Variants in CIMAP1D observed in about 807,000 individuals in gnomAD.
CIMAP1D encodes the protein CIMAP1 family member D.
the CIMAP1D span, among the ~76,000 whole-genome samples, chr19:471,385 G>T: frequency 2.6e-5 from 4 of 151,520 alleles, no homozygotes; most frequent in African/African-American, 9.7e-5. Context: ...CCTGACCTCG[G>T]GATCCCCCCG....
At chr19:491,302 A>G in the CIMAP1D span, among the ~76,000 whole-genome samples, 1 of 152,154 alleles carries the variant, frequency 6.6e-6, no homozygotes, top group Non-Finnish European at 1.5e-5. Flanking sequence ...TTAAAGAAAC[A>G]GTTTAGTGCC....
the CIMAP1D span, among the ~76,000 whole-genome samples, chr19:465,402 G>A: frequency 7.6e-5 from 11 of 144,008 alleles, no homozygotes; most frequent in South Asian, 7.1e-4. Flanking sequence ...TGGGCGGGTG[G>A]ATGGGTGTGT....
At chr19:474,700 G>C in the CIMAP1D span, 6 of 1,566,514 alleles carry the variant, frequency 3.8e-6, no homozygotes, top group Non-Finnish European at 5.2e-6. Flanking sequence ...GCCGGCCAAG[G>C]GGGGCTGTGG....
the CIMAP1D span, among the ~76,000 whole-genome samples, chr19:480,872 A>G: frequency 0.018 from 941 of 52,616 alleles, 3 homozygotes; most frequent in African/African-American, 0.05. Flanking sequence ...CGATGATGGA[A>G]AACGATGATG....
the CIMAP1D span, among the ~76,000 whole-genome samples, chr19:480,537 G>C: frequency 7.7e-6 from 1 of 129,446 alleles, no homozygotes; most frequent in Non-Finnish European, 1.5e-5. Context: ...GGGGAAGGAT[G>C]ATGGGGAAGG....
chr19:483,598 G>A, the CIMAP1D span, among the ~76,000 whole-genome samples: 4 of 152,240 alleles, frequency 2.6e-5, no homozygotes, highest in Non-Finnish European at 4.4e-5. Context: ...TGGTCGTCAC[G>A]ACTGGGGGAG....
the CIMAP1D span, among the ~76,000 whole-genome samples, chr19:485,098 G>GT: frequency 6.6e-6 from 1 of 151,978 alleles, no homozygotes; most frequent in Non-Finnish European, 1.5e-5. Context: ...TGAGAGGAGG[G>GT]GAGGGTCCTG....
At chr19:474,813 T>C in the CIMAP1D span, 1 of 1,330,320 alleles carries the variant, frequency 7.5e-7, no homozygotes, top group Non-Finnish European at 9.8e-7. Context: ...CCGCAGCAGC[T>C]CTGGCGGCCA....
the CIMAP1D span, chr19:474,625 C>G: frequency 6.4e-7 from 1 of 1,562,952 alleles, no homozygotes; most frequent in Non-Finnish European, 8.7e-7. Flanking sequence ...ACGCACCGTT[C>G]TCCAGGGTGG....
chr19:473,486 A>G, the CIMAP1D span, among the ~76,000 whole-genome samples: 2 of 60,184 alleles, frequency 3.3e-5, no homozygotes, highest in African/African-American at 6.4e-5. Flanking sequence ...ATACACGGTC[A>G]CAGATGGGGA....
chr19:471,516 C>T, the CIMAP1D span, among the ~76,000 whole-genome samples: 3 of 151,968 alleles, frequency 2.0e-5, no homozygotes, highest in South Asian at 4.2e-4. Flanking sequence ...AATCATAGCT[C>T]ACTGCAGCCC....
At chr19:490,220 G>GT in the CIMAP1D span, 2 of 310,758 alleles carry the variant, frequency 6.4e-6, no homozygotes, top group Non-Finnish European at 1.2e-5. Flanking sequence ...GCCGGGCGTG[G>GT]TGGCGCATGC....
chr19:465,602 G>A, the CIMAP1D span, among the ~76,000 whole-genome samples: 1 of 145,470 alleles, frequency 6.9e-6, no homozygotes, highest in East Asian at 2.1e-4. Context: ...TGGGTGGATG[G>A]GTGCAGGTCG....
the CIMAP1D span, among the ~76,000 whole-genome samples, chr19:485,702 C>G: frequency 6.6e-6 from 1 of 152,204 alleles, no homozygotes; most frequent in Non-Finnish European, 1.5e-5. Context: ...ACACATCCTC[C>G]GGCTGCAGAT....
the CIMAP1D span, among the ~76,000 whole-genome samples, chr19:479,012 G>A: frequency 6.6e-6 from 1 of 152,254 alleles, no homozygotes; most frequent in South Asian, 2.1e-4. Context: ...CAGAGGGCAC[G>A]TCGCGCTATG....
chr19:490,691 G>A, the CIMAP1D span, among the ~76,000 whole-genome samples: 5 of 152,240 alleles, frequency 3.3e-5, no homozygotes, highest in Admixed American at 3.3e-4. Context: ...AGGGCCAGGC[G>A]CGGTGGCTGA....
At chr19:483,203 T>A in the CIMAP1D span, among the ~76,000 whole-genome samples, 1 of 151,192 alleles carries the variant, frequency 6.6e-6, no homozygotes, top group Non-Finnish European at 1.5e-5. Context: ...ACTCAGCAGC[T>A]GACTGCTGCT....
chr19:485,314 G>A, the CIMAP1D span, among the ~76,000 whole-genome samples: 3 of 152,230 alleles, frequency 2.0e-5, no homozygotes. Flanking sequence ...GAAGAGGCAG[G>A]AGCCGGGCGT....
the CIMAP1D span, among the ~76,000 whole-genome samples, chr19:486,412 T>G: frequency 6.7e-6 from 1 of 150,290 alleles, no homozygotes; most frequent in East Asian, 2.0e-4. Flanking sequence ...AGGATCTTCC[T>G]TGGACCACTG....
Sources: gnomAD v4.1 joint callset for allele counts (sites outside exome capture counted in the v4.1 genomes callset) on GRCh38, gnomAD v4.1.1 for gene constraint, MANE v1.5 for transcripts, NCBI Gene and HGNC (gene_info 2026-07-23, HGNC 2026-07-21) for gene names.